Variants in PRPF39 observed in about 807,000 individuals in gnomAD.
PRPF39 encodes the protein pre-mRNA processing factor 39, also known as pre-mRNA-processing factor 39.
Under a neutral mutation model 82.1 loss-of-function variants are expected in PRPF39, and 27 were observed. That is an observed-to-expected ratio of 0.33 (90% CI 0.24 to 0.45). The LOEUF is 0.45. PRPF39 is among the 20% of genes least tolerant of loss of function. The pLI, the probability that PRPF39 is intolerant of heterozygous loss-of-function variation, is 1.00. For missense variants in PRPF39, 581 were observed against 796.9 expected (o/e 0.73, Z 3.26); for synonymous variants, 261 against 256.4 (o/e 1.02, Z -0.17).
chr14:45,094,710 A>G (rs1205359161), intron 1 of PRPF39, among the ~76,000 whole-genome samples: 1 of 152,218 alleles, frequency 6.6e-6, no homozygotes, highest in Non-Finnish European at 1.5e-5. Flanking sequence ...TATTTAAGCA[A>G]TATGATTTTA....
At chr14:45,097,178 C>T (rs1884224507) in intron 4 of PRPF39, among the ~76,000 whole-genome samples, 173 bp downstream of exon 4, 2 of 152,026 alleles carry the variant, frequency 1.3e-5, no homozygotes. Context: ...TAATAAAGCC[C>T]TCCTACAGTC....
intron 1 of PRPF39, among the ~76,000 whole-genome samples, chr14:45,087,447 C>T (rs1049054679): frequency 9.2e-5 from 14 of 151,984 alleles, no homozygotes; most frequent in African/African-American, 3.4e-4. Flanking sequence ...TTGTATACAT[C>T]GTGGGATAGG....
At chr14:45,108,100 T>C (rs1036531302) in intron 6 of PRPF39, among the ~76,000 whole-genome samples, 5 of 152,058 alleles carry the variant, frequency 3.3e-5, no homozygotes, top group African/African-American at 1.2e-4. Context: ...TATGTATAGA[T>C]TTAAGGTAGA....
chr14:45,115,014 C>A lies in PRPF39; in HGVS notation c.*101C>A. ...AGTATAAGCTTGTTGTATTTGATAA[C>A]CTGTCTTCCTTGTTTCTGTGTAACA... On this transcript the variant is annotated 3_prime_UTR_variant, in exon 14 of 14. Transcript: ENST00000355765. 1 of 877,340 alleles carries A rather than the reference C, an allele frequency of 1.1e-6. No homozygotes were observed. The highest frequency in any genetic ancestry group is 2.0e-5 in the South Asian group (1 of 49,620). The allele number at this position is 877,340 out of a possible 1,614,324, so 54.3% of individuals were successfully genotyped here.
chr14:45,102,569 C>T lies in PRPF39; in HGVS notation c.610C>T (p.Arg204Cys), dbSNP rs1448206651. Reference protein sequence around the residue: ...HAVLAAGTDFRSDRLWEMYIN... With the variant: ...HAVLAAGTDFCSDRLWEMYIN... ...TGTTCTAGCTGCAGGAACAGATTTCCGTTCTGACAGACTGTGGGAAATGTA... is the reference window on the plus strand; with the variant it reads ...TGTTCTAGCTGCAGGAACAGATTTCTGTTCTGACAGACTGTGGGAAATGTA... The change falls in exon 5 of 14, where the codon CGT becomes TGT. Residue 204 changes from arginine (R) to cysteine (C), a missense_variant. Arg to Cys is a radical substitution (Grantham distance 180). Transcript: ENST00000355765. The T allele has an allele frequency of 1.9e-6, 3 of 1,610,714 alleles. No homozygotes were observed. The highest frequency in any genetic ancestry group is 2.5e-6 in the Non-Finnish European group (3 of 1,178,666).
At position 45,114,578 on chromosome 14, in the gene PRPF39, A is replaced by T. The variant is rs770474751; in HGVS notation, c.1917A>T (p.Ala639=). ...AGATGATTGATGGTGATTTACAGGC[A>T]AACCAAGCTGTATATAATTATAGTG... is the stretch of plus-strand genomic sequence containing the variant. ...STQMIDGDLQ[A]NQAVYNYSAW... is the part of the protein sequence containing the mutation. Residue 639 remains alanine (A), a synonymous_variant, in exon 13 of 14, where the codon GCA becomes GCT. Coordinates refer to ENST00000355765, the MANE Select transcript of PRPF39 (RefSeq NM_017922.4). 6.2e-7 allele frequency: 1 copy of T among 1,609,882 alleles called. No individual in the cohort carries two copies. Among genetic ancestry groups the T allele is most frequent in the South Asian group, 1.1e-5 (1 of 89,970 alleles).
At chr14:45,108,348 GCA>G (rs781311713) in intron 6 of PRPF39, 65 bp from the exon 7 acceptor site, 7 of 1,448,850 alleles carry the variant, frequency 4.8e-6, no homozygotes, top group East Asian at 5.0e-5. Flanking sequence ...TTAAATATAA[GCA>G]GTGATATTGA....
At chr14:45,087,448 G>A (rs889222490) in intron 1 of PRPF39, among the ~76,000 whole-genome samples, 12 of 152,168 alleles carry the variant, frequency 7.9e-5, no homozygotes, top group African/African-American at 1.7e-4. Context: ...TGTATACATC[G>A]TGGGATAGGG....
intron 4 of PRPF39, among the ~76,000 whole-genome samples, chr14:45,098,720 C>T (rs750281235): frequency 6.6e-6 from 1 of 152,242 alleles, no homozygotes. Context: ...TGGAAACCTT[C>T]CTACTATAAT....
rs139527525 is a variant in PRPF39 at position 45,097,028 on chromosome 14, A to G, written c.569+23A>G. 19 of 1,504,358 alleles carry G rather than the reference A, an allele frequency of 1.3e-5. 1 individual carries two copies. In the African/African-American group the frequency reaches 1.4e-4, roughly 11 times the overall value. The allele number at this position is 1,504,358 out of a possible 1,614,324, so 93.2% of individuals were successfully genotyped here. ...AGGGTATGTGGAACATTGATACTGA[A>G]ATGTTTTTTATGATATAAATAATTA... On this transcript the variant is annotated intron_variant, in intron 4 of 13. Coordinates refer to ENST00000355765, the MANE Select transcript of PRPF39 (RefSeq NM_017922.4).
intron 11 of PRPF39, 60 bp downstream of exon 11, chr14:45,112,562 G>A (rs1661647317): frequency 6.6e-6 from 9 of 1,372,004 alleles, no homozygotes; most frequent in South Asian, 1.8e-5. Context: ...TTTTTGTATG[G>A]GGATTTGATG....
At chr14:45,092,116 G>T (rs991030825) in intron 1 of PRPF39, among the ~76,000 whole-genome samples, 1 of 152,206 alleles carries the variant, frequency 6.6e-6, no homozygotes, top group Non-Finnish European at 1.5e-5. Flanking sequence ...TATCAAAAAA[G>T]CAGAAGCTTT....
At chr14:45,098,635 A>G (rs1053797514) in intron 4 of PRPF39, among the ~76,000 whole-genome samples, 6 of 152,152 alleles carry the variant, frequency 3.9e-5, no homozygotes, top group African/African-American at 1.2e-4. Flanking sequence ...AAGGCTTTAA[A>G]TATAGCTTTC....
Position 45,110,623 on chromosome 14 carries a change from C to A in PRPF39, c.1378C>A (p.Arg460=), listed in dbSNP as rs199930230. The change falls in exon 10 of 14, where the codon CGA becomes AGA. Residue 460 remains arginine, a synonymous_variant. Transcript: ENST00000355765. The surrounding 1 kb of genome is among the most constrained non-coding windows in gnomAD (Gnocchi z 4.0). The part of the protein sequence containing the change: ...CVLGLAMVRL[R]RVSLERRHGN... The stretch of plus-strand genomic sequence containing the variant: ...TCTAGGATTGGCAATGGTTCGTTTA[C>A]GAAGAGTAAGTTTAGAACGACGGCA... 2.8e-5 allele frequency: 44 copies of A among 1,574,232 alleles called. No individual in the cohort carries two copies. In the Admixed American group the frequency reaches 4.5e-4, roughly 16 times the overall value.
At chr14:45,087,052 AAAAT>A in intron 1 of PRPF39, among the ~76,000 whole-genome samples, 1 of 152,136 alleles carries the variant, frequency 6.6e-6, no homozygotes, top group East Asian at 1.9e-4. Context: ...CAGAGGGGAG[AAAAT>A]AAATACTTAA....
chr14:45,112,225 T>C, intron 10 of PRPF39, 93 bp from the exon 11 acceptor site: 1 of 1,096,904 alleles, frequency 9.1e-7, no homozygotes, highest in Non-Finnish European at 1.3e-6. Flanking sequence ...TCAATATTTT[T>C]TCAAATTGAG....
At position 45,110,494 on chromosome 14, in the gene PRPF39, A is replaced by G; in HGVS notation, c.1304-55A>G. 1.3e-6 allele frequency: 2 copies of G among 1,494,996 alleles called. No individual in the cohort carries two copies. Among genetic ancestry groups the G allele is most frequent in the Non-Finnish European group, 1.8e-6 (2 of 1,105,504 alleles). 92.6% of individuals were successfully genotyped at this position (1,494,996 alleles called of 1,614,324 possible). A position where few individuals can be genotyped will look rare whatever the true frequency, so the allele number is the denominator to read the frequency against. On this transcript the variant is annotated intron_variant, in intron 9 of 13. Coordinates refer to ENST00000355765, the MANE Select transcript of PRPF39 (RefSeq NM_017922.4). This position sits in a 1 kb window ranked among gnomAD's most constrained non-coding sequence, Gnocchi z 4.0. ...GTGATTGTTGCCAGTATCTGGTTAT[A>G]AACGTTATTTTGGTTGTTTAAACCA...
At chr14:45,099,436 C>A (rs1884301486) in intron 4 of PRPF39, among the ~76,000 whole-genome samples, 1 of 151,494 alleles carries the variant, frequency 6.6e-6, no homozygotes, top group African/African-American at 2.4e-5. Flanking sequence ...TAACATCTTC[C>A]ATCAGATTAT....
At chr14:45,111,922 G>C (rs2139067332) in intron 10 of PRPF39, among the ~76,000 whole-genome samples, 1 of 152,222 alleles carries the variant, frequency 6.6e-6, no homozygotes, top group East Asian at 1.9e-4. Context: ...ATAGGCATGA[G>C]CCACCACGCC....
Sources: gnomAD v4.1 joint callset for allele counts (sites outside exome capture counted in the v4.1 genomes callset) on GRCh38, gnomAD v4.1.1 for gene constraint, Gnocchi (gnomAD v3.1) non-coding constraint, MANE v1.5 for transcripts, NCBI Gene and HGNC (gene_info 2026-07-23, HGNC 2026-07-21) for gene names.